FBXO47: variants seen among roughly 807,000 people sequenced by gnomAD.
FBXO47 encodes the protein F-box protein 47.
A neutral mutation model predicts 53.9 loss-of-function variants in FBXO47; 34 were observed. The ratio of observed to expected loss-of-function variants is 0.63; its 90% CI spans 0.48 to 0.84. The LOEUF is 0.84. Among genes scored for constraint, FBXO47 ranks in the 40% least tolerant of loss-of-function variants. The pLI, the probability that FBXO47 is intolerant of heterozygous loss-of-function variation, is 0.00. For synonymous variants in FBXO47, 165 were observed against 181.6 expected (o/e 0.91, Z 0.73); for missense variants, 485 against 541.3 (o/e 0.90, Z 1.03).
intron 7 of FBXO47, among the ~76,000 whole-genome samples, chr17:38,944,115 G>A (rs995401090): frequency 6.6e-6 from 1 of 151,914 alleles, no homozygotes; most frequent in Non-Finnish European, 1.5e-5. Context: ...CTGGGAGGCG[G>A]AGGTTGCAGT....
chr17:38,946,421 ACT>A lies in FBXO47; in HGVS notation c.617-1287_617-1286del, dbSNP rs1567716781. Among the ~76,000 whole-genome samples the A allele has an allele frequency of 1.6e-3, 78 of 49,224 alleles. 8 individuals carry two copies. The highest frequency in any genetic ancestry group is 7.4e-3 in the African/African-American group (69 of 9,350). The allele number at this position is 49,224 out of a possible 152,430, so 32.3% of individuals were successfully genotyped here. A position where few individuals can be genotyped will look rare whatever the true frequency, so the allele number is the denominator to read the frequency against. On this transcript the variant is annotated intron_variant, in intron 6 of 10. Transcript: ENST00000378079. ...ATATAAATATATAGATATATATATA[ACT>A]ATATAAATATATATGAATATATATA...
chr17:38,946,193 AAAATATATATAAATATATAC>A (rs1904785825), intron 6 of FBXO47, among the ~76,000 whole-genome samples: 1 of 115,008 alleles, frequency 8.7e-6, no homozygotes, highest in Non-Finnish European at 1.6e-5. Context: ...TAAATATATA[AAAATATATATAAATATATAC>A]AAAAATATAT....
chr17:38,953,980 T>G (rs1228079146), intron 5 of FBXO47, among the ~76,000 whole-genome samples: 3 of 151,874 alleles, frequency 2.0e-5, no homozygotes, highest in Non-Finnish European at 4.4e-5. Flanking sequence ...CCTCACAAGG[T>G]TGTTGTAAAT....
At chr17:38,946,349 TAAATATATATAAATATATAG>T in intron 6 of FBXO47, among the ~76,000 whole-genome samples, 1 of 85,732 alleles carries the variant, frequency 1.2e-5, no homozygotes, top group Non-Finnish European at 1.9e-5. Context: ...TATAAATATA[TAAATATATATAAATATATAG>T]ATATATATAT....
chr17:38,943,891 T>C (rs1904618770), intron 7 of FBXO47, among the ~76,000 whole-genome samples, 155 bp from the exon 8 acceptor site: 1 of 152,150 alleles, frequency 6.6e-6, no homozygotes, highest in Non-Finnish European at 1.5e-5. Flanking sequence ...CTGGTAATAG[T>C]ATAGATTTGA....
At chr17:38,949,364 G>A (rs1299800523) in intron 6 of FBXO47, among the ~76,000 whole-genome samples, 1 of 152,114 alleles carries the variant, frequency 6.6e-6, no homozygotes, top group African/African-American at 2.4e-5. Flanking sequence ...AGGTTGCAGT[G>A]AGCTGAGACC....
chr17:38,965,709 TAAAAAAAAAA>T (rs71141742), intron 1 of FBXO47, among the ~76,000 whole-genome samples: 20 of 61,628 alleles, frequency 3.2e-4, no homozygotes, highest in Admixed American at 1.0e-3. Flanking sequence ...CCTTCTCTAC[TAAAAAAAAAA>T]AAAAAAAAAA....
chr17:38,938,320 T>A (rs1287918440), intron 10 of FBXO47, among the ~76,000 whole-genome samples: 1 of 152,222 alleles, frequency 6.6e-6, no homozygotes, highest in Non-Finnish European at 1.5e-5. Context: ...ACTCTTCAAC[T>A]TTATATTCTC....
rs145541432 is a variant in FBXO47 at position 38,966,233 on chromosome 17, G to A, written c.-27+996C>T. 2.3e-3 allele frequency among the ~76,000 whole-genome samples: 346 copies of A among 151,960 alleles called. 1 individual carries two copies. Among genetic ancestry groups the A allele is most frequent in the African/African-American group, 8.1e-3 (335 of 41,462 alleles). On this transcript the variant is annotated intron_variant, in intron 1 of 10. Transcript: ENST00000378079. ...GTTTGTTTGTTTGCGATGGAGTTTCGCACAGTCTCCTGGGCTGGAGTGCAG... is the reference window on the plus strand; with the variant it reads ...GTTTGTTTGTTTGCGATGGAGTTTCACACAGTCTCCTGGGCTGGAGTGCAG...
At chr17:38,944,836 G>A in intron 7 of FBXO47, 124 bp downstream of exon 7, 2 of 738,130 alleles carry the variant, frequency 2.7e-6, no homozygotes, top group South Asian at 3.9e-5. Flanking sequence ...GCACCACTGT[G>A]TGCGTGCATG....
chr17:38,964,850 C>T (rs1906019225), intron 1 of FBXO47, among the ~76,000 whole-genome samples: 1 of 152,022 alleles, frequency 6.6e-6, no homozygotes, highest in Non-Finnish European at 1.5e-5. Context: ...TATCGCTCTA[C>T]TGCCCGGGCT....
chr17:38,966,257 A>G (rs903209977), intron 1 of FBXO47, among the ~76,000 whole-genome samples: 1 of 152,170 alleles, frequency 6.6e-6, no homozygotes, highest in African/African-American at 2.4e-5. Flanking sequence ...GCTGGAGTGC[A>G]GTGGCGCGAT....
intron 4 of FBXO47, among the ~76,000 whole-genome samples, chr17:38,956,494 A>T (rs1038840911): frequency 2.6e-5 from 4 of 151,816 alleles, no homozygotes; most frequent in Non-Finnish European, 2.9e-5. Flanking sequence ...AGGCTGAGAC[A>T]GGAGAATAGC....
Position 38,936,977 on chromosome 17 carries a change from G to A in FBXO47, c.*198C>T. 2.6e-6 allele frequency: 1 copy of A among 382,928 alleles called. No homozygotes were observed. Among genetic ancestry groups the A allele is most frequent in the East Asian group, 4.0e-5 (1 of 25,136 alleles). The allele number at this position is 382,928 out of a possible 1,614,324, so 23.7% of individuals were successfully genotyped here. On this transcript the variant is annotated 3_prime_UTR_variant, in exon 11 of 11. Transcript: ENST00000378079. ...GAGCTTGTTTTCCAGAGAAATCTCA[G>A]CACATTCTTGAGGCTGCCTGTTATT...
At chr17:38,945,987 ATATAT>A (rs1904752796) in intron 6 of FBXO47, among the ~76,000 whole-genome samples, 1 of 137,298 alleles carries the variant, frequency 7.3e-6, no homozygotes, top group South Asian at 2.2e-4. Context: ...ATATATACAA[ATATAT>A]AAATATATAT....
chr17:38,966,351 G>T (rs765820203), intron 1 of FBXO47, among the ~76,000 whole-genome samples: 3 of 151,932 alleles, frequency 2.0e-5, no homozygotes, highest in African/African-American at 4.8e-5. Context: ...ACAGGTGCCC[G>T]CCCCCACGCC....
At chr17:38,946,622 A>ATATATATGAATATATAAATATATATAAC in intron 6 of FBXO47, among the ~76,000 whole-genome samples, 1 of 82,176 alleles carries the variant, frequency 1.2e-5, no homozygotes, top group Non-Finnish European at 2.0e-5. Context: ...AACTATATAA[A>ATATATATGAATATATAAATATATATAAC]TATATATGAA....
At chr17:38,951,786 T>TG in intron 5 of FBXO47, 97 bp from the exon 6 acceptor site, 8 of 818,938 alleles carry the variant, frequency 9.8e-6, no homozygotes, top group African/African-American at 1.7e-5. Context: ...ATCCCAACAC[T>TG]TTGGGAGGCC....
intron 6 of FBXO47, among the ~76,000 whole-genome samples, chr17:38,946,881 T>C (rs1296014501): frequency 7.9e-5 from 9 of 114,274 alleles, no homozygotes; most frequent in Non-Finnish European, 1.4e-4. Context: ...AACATATATA[T>C]AAATATATAT....
Sources: allele counts gnomAD v4.1 joint callset (sites outside exome capture counted in the v4.1 genomes callset), GRCh38; gene constraint gnomAD v4.1.1; transcripts MANE v1.5; gene names NCBI Gene and HGNC (gene_info 2026-07-23, HGNC 2026-07-21).